The following SLC14A2 variants were observed in gnomAD, a reference collection of about 807,000 sequenced individuals.
SLC14A2 encodes the protein solute carrier family 14 member 2.
Under a neutral mutation model 104.6 loss-of-function variants are expected in SLC14A2, and 91 were observed. The ratio of observed to expected loss-of-function variants is 0.87; its 90% CI spans 0.73 to 1.04. The LOEUF (loss-of-function observed/expected upper bound fraction) is 1.04, where lower values mean the gene tolerates loss of function less well. Ranked by LOEUF, SLC14A2 falls within the 50% of genes least tolerant of loss-of-function variation. SLC14A2 has a pLI of 0.00. For missense variants in SLC14A2, 1,189 were observed against 1,156.0 expected (o/e 1.03, Z -0.41); for synonymous variants, 476 against 466.4 (o/e 1.02, Z -0.27).
chr18:45,498,051 G>A (rs2043129719), intron 2 of SLC14A2, among the ~76,000 whole-genome samples: 1 of 152,150 alleles, frequency 6.6e-6, no homozygotes, highest in South Asian at 2.1e-4. Flanking sequence ...AGTAAAATAA[G>A]AGGAAGATTC....
chr18:45,619,580 G>A (rs577181833), intron 1 of SLC14A2, among the ~76,000 whole-genome samples: 1 of 152,322 alleles, frequency 6.6e-6, no homozygotes, highest in Non-Finnish European at 1.5e-5. Flanking sequence ...TGAAGGAGAA[G>A]AGGAGGTGTG....
At chr18:45,333,409 G>GCTAT (rs1299724315) in intron 1 of SLC14A2, among the ~76,000 whole-genome samples, 81 of 152,264 alleles carry the variant, frequency 5.3e-4, no homozygotes, top group African/African-American at 1.8e-3. Context: ...ACAGGTAGGA[G>GCTAT]CTATCTAACA....
chr18:45,518,047 T>A (rs958187839), intron 2 of SLC14A2, among the ~76,000 whole-genome samples: 4 of 151,800 alleles, frequency 2.6e-5, no homozygotes, highest in Non-Finnish European at 4.4e-5. Context: ...AACTAATAAT[T>A]AACACAACAT....
At position 45,292,360 on chromosome 18, in the gene SLC14A2, AG is replaced by A. The variant is rs1333701831; in HGVS notation, c.-125+79170del. Among the ~76,000 whole-genome samples, 12 of 152,312 alleles carry A rather than the reference AG, an allele frequency of 7.9e-5. 1 individual carries two copies. In the East Asian group the frequency reaches 2.3e-3, roughly 29 times the overall value. On this transcript the variant is annotated intron_variant, in intron 1 of 20. Coordinates refer to the SLC14A2 transcript ENST00000586448. ...GGTGCAATACTTTATATGGGTAAAC[AG>A]CTGTACTAGGGCGTTGCCATGGAAA...
chr18:45,460,907 C>T (rs2087033913), intron 1 of SLC14A2, among the ~76,000 whole-genome samples: 2 of 152,140 alleles, frequency 1.3e-5, no homozygotes, highest in Non-Finnish European at 2.9e-5. Context: ...GGCTTTGACT[C>T]ACCTTTATTT....
rs563107812 is a variant in SLC14A2, at chr18:45,285,715, G to A, written c.-125+72524G>A. On this transcript the variant is annotated intron_variant, in intron 1 of 20. Transcript: ENST00000586448. ...GCTGGGATTACAGACGTGAGCCACT[G>A]CGCCCAGCCGGAGCAGATGAATTTA... is the stretch of plus-strand genomic sequence containing the variant. Among the ~76,000 whole-genome samples, 527 of 144,268 alleles carry A rather than the reference G, an allele frequency of 3.7e-3. 1 individual carries two copies. The highest frequency in any genetic ancestry group is 0.01 in the Admixed American group (140 of 13,684). 94.6% of individuals were successfully genotyped at this position (144,268 alleles called of 152,430 possible). A position where few individuals can be genotyped will look rare whatever the true frequency, so the allele number is the denominator to read the frequency against.
At chr18:45,655,339 T>G (rs982730587) in intron 10 of SLC14A2, among the ~76,000 whole-genome samples, 2 of 152,284 alleles carry the variant, frequency 1.3e-5, no homozygotes, top group African/African-American at 2.4e-5. Context: ...TAAGCCTTGG[T>G]GAACTTGGTG....
intron 2 of SLC14A2, among the ~76,000 whole-genome samples, chr18:45,592,816 G>T (rs1245683713): frequency 6.6e-6 from 1 of 152,172 alleles, no homozygotes; most frequent in Non-Finnish European, 1.5e-5. Flanking sequence ...TCCCATGTCT[G>T]GGTTATGTAC....
intron 1 of SLC14A2, among the ~76,000 whole-genome samples, chr18:45,449,114 C>T (rs1320266784): frequency 6.6e-6 from 1 of 152,188 alleles, no homozygotes; most frequent in East Asian, 1.9e-4. Context: ...ATGAGCAAAG[C>T]CTCAAAGCCC....
At chr18:45,338,682 CAAAAAAAAAA>C (rs59474827) in intron 1 of SLC14A2, among the ~76,000 whole-genome samples, 10 of 51,854 alleles carry the variant, frequency 1.9e-4, no homozygotes, top group Admixed American at 1.6e-3. Context: ...CACTGGCTCA[CAAAAAAAAAA>C]AAAAAAAAAA....
At chr18:45,563,172 G>A (rs368054933) in intron 2 of SLC14A2, among the ~76,000 whole-genome samples, 72 of 152,316 alleles carry the variant, frequency 4.7e-4, no homozygotes, top group African/African-American at 1.6e-3. Context: ...ATGAGAGGCA[G>A]GTGGTCTCTA....
the SLC14A2 span, chr18:45,181,302 C>G: frequency 1.3e-5 from 2 of 152,284 alleles, no homozygotes; most frequent in Non-Finnish European, 2.9e-5. Context: ...CCACTCAACA[C>G]TCTATGGGGT....
At chr18:45,519,783 G>C (rs1249995263) in intron 2 of SLC14A2, among the ~76,000 whole-genome samples, 2 of 152,196 alleles carry the variant, frequency 1.3e-5, no homozygotes. Flanking sequence ...TCCGGGATCT[G>C]CTCATCCCCT....
At chr18:45,213,664 G>A (rs1172713861) in intron 1 of SLC14A2, among the ~76,000 whole-genome samples, 1 of 152,124 alleles carries the variant, frequency 6.6e-6, no homozygotes, top group African/African-American at 2.4e-5. Context: ...TAAATGTACT[G>A]GTTTAAATCT....
intron 1 of SLC14A2, among the ~76,000 whole-genome samples, chr18:45,435,507 T>C (rs2086582163): frequency 6.6e-6 from 1 of 152,216 alleles, no homozygotes; most frequent in Non-Finnish European, 1.5e-5. Flanking sequence ...AGGATGGCTC[T>C]ATACTAGATT....
intron 2 of SLC14A2, among the ~76,000 whole-genome samples, chr18:45,585,770 C>T (rs1325562473): frequency 2.0e-5 from 3 of 152,170 alleles, no homozygotes; most frequent in Non-Finnish European, 4.4e-5. Flanking sequence ...CAGTACCCAC[C>T]TGCCCCCTTC....
intron 1 of SLC14A2, among the ~76,000 whole-genome samples, chr18:45,226,802 A>AAAT (rs143475234): frequency 0.11 from 16,929 of 151,622 alleles, 959 homozygotes; most frequent in Non-Finnish European, 0.12. Context: ...CCTAGAACTT[A>AAAT]AATAATAATA....
chr18:45,252,778 C>T (rs2084436107), intron 1 of SLC14A2, among the ~76,000 whole-genome samples: 1 of 146,128 alleles, frequency 6.8e-6, no homozygotes, highest in South Asian at 2.1e-4. Flanking sequence ...GCAACATACT[C>T]ATAGCAATAT....
chr18:45,606,762 A>AC (rs1353673117), intron 2 of SLC14A2, among the ~76,000 whole-genome samples: 9 of 69,588 alleles, frequency 1.3e-4, no homozygotes, highest in Admixed American at 5.3e-4. Flanking sequence ...ACAAAAACAA[A>AC]AAAAAAAAAC....
Sources: allele counts gnomAD v4.1 joint callset (sites outside exome capture counted in the v4.1 genomes callset), GRCh38; gene constraint gnomAD v4.1.1; transcripts MANE v1.5; gene names NCBI Gene and HGNC (gene_info 2026-07-23, HGNC 2026-07-21).